USH2A: variants seen among roughly 807,000 people sequenced by gnomAD.
USH2A encodes the protein usherin.
USH2A carries 443 observed loss-of-function variants against 538.9 expected under a neutral mutation model. The ratio of observed to expected loss-of-function variants is 0.82; its 90% CI spans 0.76 to 0.89. The LOEUF (loss-of-function observed/expected upper bound fraction) is 0.89, where lower values mean the gene tolerates loss of function less well. Among genes scored for constraint, USH2A ranks in the 40% least tolerant of loss-of-function variants. The probability of loss-of-function intolerance (pLI) is 0.00; values close to 1 mark genes in which losing one functional copy is unlikely to be tolerated. For missense variants in USH2A, 6,633 were observed against 6,324.8 expected, an observed-to-expected ratio of 1.05 and a Z score of -1.65; for synonymous variants, 2,413 against 2,273.5, an observed-to-expected ratio of 1.06 and a Z score of -1.75.
Position 215,998,952 on chromosome 1 carries a change from C to A in USH2A, c.6592G>T (p.Glu2198Ter), listed in dbSNP as rs370026168. ...TGTAGCATATGATCCTGGAAAAGTT[C>A]TGTACTGTTATAGATGACACTCCAA... ...TIWSVIYNST[E>*]LFQDHMLQYV... Residue 2198 changes from glutamate (E) to a stop codon, truncating the protein, a stop_gained, in exon 34 of 72, where the codon GAA becomes TAA. Transcript: ENST00000307340. LOFTEE classifies it high-confidence loss of function. 6.2e-7 allele frequency: 1 copy of A among 1,613,124 alleles called. No individual in the cohort carries two copies. Among genetic ancestry groups the A allele is most frequent in the Non-Finnish European group, 8.5e-7 (1 of 1,179,528 alleles).
intron 32 of USH2A, among the ~76,000 whole-genome samples, chr1:216,027,971 C>T (rs919325560): frequency 2.0e-5 from 3 of 152,122 alleles, no homozygotes; most frequent in African/African-American, 7.2e-5. Context: ...CTAGTCCTAG[C>T]GATGACATTA....
chr1:215,868,455 T>C (rs1427904500), intron 43 of USH2A, among the ~76,000 whole-genome samples: 2 of 152,234 alleles, frequency 1.3e-5, no homozygotes, highest in African/African-American at 4.8e-5. Context: ...CTATTTCTCC[T>C]AAATATGTGC....
intron 67 of USH2A, among the ~76,000 whole-genome samples, chr1:215,644,786 A>T (rs1426854539): frequency 1.3e-5 from 2 of 152,208 alleles, no homozygotes; most frequent in Non-Finnish European, 2.9e-5. Flanking sequence ...TAAGTGGAAG[A>T]GAGGATATGG....
intron 36 of USH2A, among the ~76,000 whole-genome samples, chr1:215,970,350 A>G (rs1386099081): frequency 1.3e-5 from 2 of 152,168 alleles, no homozygotes; most frequent in Admixed American, 1.3e-4. Context: ...CTAAATTAGG[A>G]AAAATTTCAT....
intron 64 of USH2A, among the ~76,000 whole-genome samples, chr1:215,658,002 C>T (rs144933470): frequency 0.021 from 3,097 of 148,358 alleles, 99 homozygotes; most frequent in African/African-American, 0.071. Flanking sequence ...GGCGTGATCT[C>T]GGCTGACTGC....
At chr1:216,229,317 T>C (rs141400229) in intron 14 of USH2A, among the ~76,000 whole-genome samples, 3 of 151,992 alleles carry the variant, frequency 2.0e-5, no homozygotes, top group Admixed American at 2.0e-4. Flanking sequence ...CTCTCTCTTT[T>C]TTGCTTTTTT....
chr1:215,920,981 C>T (rs751070588), intron 38 of USH2A, among the ~76,000 whole-genome samples: 2 of 151,996 alleles, frequency 1.3e-5, no homozygotes, highest in Non-Finnish European at 2.9e-5. Flanking sequence ...AGTGTCTTCA[C>T]CTGACTAGAG....
At chr1:215,763,806 A>C (rs763586884) in intron 56 of USH2A, among the ~76,000 whole-genome samples, 63 of 152,274 alleles carry the variant, frequency 4.1e-4, no homozygotes, top group Admixed American at 4.6e-4. Flanking sequence ...CTCTTCTTAT[A>C]GCTATGAGGA....
chr1:216,186,549 GT>G, intron 20 of USH2A, among the ~76,000 whole-genome samples: 1 of 151,906 alleles, frequency 6.6e-6, no homozygotes, highest in East Asian at 1.9e-4. Context: ...TCACTAAGGT[GT>G]TTTCTTTGGG....
chr1:215,674,291 C>A lies in USH2A; in HGVS notation c.13620G>T (p.Leu4540Phe), dbSNP rs751356779. 1.2e-6 allele frequency: 2 copies of A among 1,614,120 alleles called. No individual in the cohort carries two copies. The highest frequency in any genetic ancestry group is 1.1e-5 in the South Asian group (1 of 91,066). The part of the protein sequence containing the change: ...SAPSGMEPPK[L>F]QARGPQEILV... ...AGATCTCCTGAGGACCCCTGGCCTG[C>A]AATTTTGGAGGTTCCATCCCTGAGG... Residue 4540 changes from leucine to phenylalanine, a missense_variant, in exon 63 of 72, where the codon TTG becomes TTT. Leu to Phe is a conservative substitution (Grantham distance 22). Coordinates refer to ENST00000307340, the MANE Select transcript of USH2A (RefSeq NM_206933.4).
rs531240074 is a variant in USH2A at position 215,743,178 on chromosome 1, A to G, written c.11547T>C (p.Asn3849=). The G allele has an allele frequency of 6.2e-7, 1 of 1,609,350 alleles. No homozygotes were observed. Among genetic ancestry groups the G allele is most frequent in the Admixed American group, 1.7e-5 (1 of 59,692 alleles). Residue 3849 remains asparagine (N), a splice_region_variant and synonymous_variant, in exon 59 of 72, where the codon AAT becomes AAC. Coordinates refer to ENST00000307340, the MANE Select transcript of USH2A (RefSeq NM_206933.4). ...QYEIRIQACQ[N]GSCGVSSRMF... The stretch of plus-strand genomic sequence containing the variant: ...GCCAAGTGTCTGAAAGACTTTCACC[A>G]TTTTGACATGCTTGTATCCTTATCT...
chr1:216,120,218 G>GAA (rs2033099848), intron 21 of USH2A, among the ~76,000 whole-genome samples: 1 of 20,044 alleles, frequency 5.0e-5, no homozygotes, highest in African/African-American at 2.2e-4. Context: ...ATACTAAATA[G>GAA]CAAAAAAAAA....
intron 37 of USH2A, among the ~76,000 whole-genome samples, chr1:215,955,571 C>A (rs1667044112): frequency 6.6e-6 from 1 of 152,126 alleles, no homozygotes; most frequent in South Asian, 2.1e-4. Flanking sequence ...GGGTGTAAAA[C>A]TCCCTTTGCT....
chr1:215,919,093 G>A (rs748881957), intron 38 of USH2A, among the ~76,000 whole-genome samples: 1 of 151,994 alleles, frequency 6.6e-6, no homozygotes, highest in Non-Finnish European at 1.5e-5. Context: ...AAGAAAGCAT[G>A]AATCACCCCC....
intron 21 of USH2A, among the ~76,000 whole-genome samples, chr1:216,172,917 C>T (rs899055418): frequency 3.3e-5 from 5 of 152,152 alleles, no homozygotes; most frequent in African/African-American, 7.2e-5. Context: ...TTCCTTTCCA[C>T]CCTGTAGCAG....
intron 3 of USH2A, among the ~76,000 whole-genome samples, chr1:216,408,805 A>G (rs1375026659): frequency 2.0e-5 from 3 of 152,174 alleles, no homozygotes; most frequent in East Asian, 1.9e-4. Flanking sequence ...CTGATTACTA[A>G]GAGAGCTACT....
intron 37 of USH2A, among the ~76,000 whole-genome samples, chr1:215,957,327 T>C (rs1225301415): frequency 6.6e-6 from 1 of 152,304 alleles, no homozygotes; most frequent in Admixed American, 6.5e-5. Flanking sequence ...CTGTTGTCTG[T>C]AACTAAAAGA....
chr1:216,177,192 C>T (rs1047384921), intron 20 of USH2A, among the ~76,000 whole-genome samples: 2 of 152,102 alleles, frequency 1.3e-5, no homozygotes, highest in African/African-American at 4.8e-5. Flanking sequence ...AATGAATGAG[C>T]ATTCCTTCTA....
chr1:215,694,582 A>T lies in USH2A; in HGVS notation c.12067-14206T>A, dbSNP rs544705363. Reference sequence around the variant, plus strand: ...AGAGAGACTCCATCTCAAAACAAACAAACAAACAACCCACAAGGCATTCAA... The same window carrying T: ...AGAGAGACTCCATCTCAAAACAAACTAACAAACAACCCACAAGGCATTCAA... On this transcript the variant is annotated intron_variant, in intron 61 of 71. Coordinates refer to ENST00000307340, the MANE Select transcript of USH2A (RefSeq NM_206933.4). Among the ~76,000 whole-genome samples the T allele has an allele frequency of 4.6e-5, 7 of 152,342 alleles. No homozygotes were observed. The South Asian group carries it at 1.2e-3, about 27-fold the overall frequency.
Sources: gnomAD v4.1 joint callset for allele counts (sites outside exome capture counted in the v4.1 genomes callset) on GRCh38, gnomAD v4.1.1 for gene constraint, MANE v1.5 for transcripts, NCBI Gene and HGNC (gene_info 2026-07-23, HGNC 2026-07-21) for gene names.